CELF2: variants seen among roughly 807,000 people sequenced by gnomAD.
CELF2 encodes the protein CUGBP Elav-like family member 2.
A neutral mutation model predicts 62.6 loss-of-function variants in CELF2; 8 were observed. That is an observed-to-expected ratio of 0.13 (90% CI 0.07 to 0.23). CELF2 has a LOEUF of 0.23. CELF2 is among the 10% of genes least tolerant of loss of function. CELF2 has a pLI of 1.00. For missense variants in CELF2, 333 were observed against 671.0 expected, an observed-to-expected ratio of 0.50 and a Z score of 5.56; for synonymous variants, 258 against 250.0, an observed-to-expected ratio of 1.03 and a Z score of -0.30.
chr10:10,720,070 G>A, the CELF2 span, among the ~76,000 whole-genome samples: 11 of 152,254 alleles, frequency 7.2e-5, no homozygotes, highest in South Asian at 1.0e-3. Flanking sequence ...CTTGGGCTGC[G>A]TTTCATGAGG....
At chr10:10,584,755 C>T in the CELF2 span, among the ~76,000 whole-genome samples, 1 of 152,176 alleles carries the variant, frequency 6.6e-6, no homozygotes. Context: ...GGAAAGAGTT[C>T]CCTGTCTCTG....
At chr10:11,215,072 A>C (rs949121894) in intron 2 of CELF2, among the ~76,000 whole-genome samples, 1 of 152,220 alleles carries the variant, frequency 6.6e-6, no homozygotes, top group African/African-American at 2.4e-5. Context: ...AAGACCCTTT[A>C]AAGTAGCTAA....
chr10:10,764,262 T>C, the CELF2 span, among the ~76,000 whole-genome samples: 3 of 152,224 alleles, frequency 2.0e-5, no homozygotes, highest in Non-Finnish European at 4.4e-5. Flanking sequence ...CCTTTAAAAA[T>C]TTCCAATCAA....
intron 1 of CELF2, among the ~76,000 whole-genome samples, chr10:11,160,757 T>C (rs1439757515): frequency 1.3e-5 from 2 of 152,222 alleles, no homozygotes; most frequent in Non-Finnish European, 2.9e-5. Context: ...TTGTGTGTGC[T>C]TTTTTATTTA....
chr10:10,662,569 G>A, the CELF2 span, among the ~76,000 whole-genome samples: 2 of 152,158 alleles, frequency 1.3e-5, no homozygotes, highest in Non-Finnish European at 2.9e-5. Flanking sequence ...GAGGAAGCAC[G>A]TGACAAAAGG....
chr10:11,018,218 G>A lies in CELF2; in HGVS notation c.74+55G>A, dbSNP rs556380151. ...GAGCGGGCGTCCTCCTCCCAGAGTC[G>A]GCGGCGCGAAGGGGACGGGCGTCGC... On this transcript the variant is annotated intron_variant, in intron 1 of 12. Transcript: ENST00000633077. The A allele has an allele frequency of 1.1e-4, 163 of 1,454,404 alleles. 2 individuals carry two copies. In the South Asian group the frequency reaches 1.9e-3, roughly 17 times the overall value. 90.1% of individuals were successfully genotyped at this position (1,454,404 alleles called of 1,614,324 possible).
At chr10:11,158,339 G>A (rs2064978859) in intron 1 of CELF2, among the ~76,000 whole-genome samples, 1 of 152,148 alleles carries the variant, frequency 6.6e-6, no homozygotes, top group South Asian at 2.1e-4. Context: ...GGATTCATTG[G>A]TGTCGTCCCT....
intron 2 of CELF2, among the ~76,000 whole-genome samples, chr10:10,977,668 AGGAAAAT>A (rs1019095827): frequency 1.3e-5 from 2 of 152,246 alleles, no homozygotes; most frequent in African/African-American, 4.8e-5. Context: ...GTTTCTTTAA[AGGAAAAT>A]GGAAGAATTT....
At chr10:10,922,137 G>C (rs749816407) in intron 2 of CELF2, among the ~76,000 whole-genome samples, 4 of 151,836 alleles carry the variant, frequency 2.6e-5, no homozygotes, top group African/African-American at 4.8e-5. Context: ...ACTGTTTACT[G>C]TGATCCAAAT....
intron 1 of CELF2, among the ~76,000 whole-genome samples, chr10:10,866,230 G>A (rs1228866511): frequency 1.3e-5 from 2 of 152,078 alleles, no homozygotes; most frequent in African/African-American, 4.8e-5. Flanking sequence ...TCACACTGCT[G>A]ACTTCAGCTT....
At chr10:10,856,878 A>C (rs966621313) in intron 1 of CELF2, among the ~76,000 whole-genome samples, 2 of 152,310 alleles carry the variant, frequency 1.3e-5, no homozygotes, top group East Asian at 3.9e-4. Flanking sequence ...TGGAGAAATT[A>C]GTACCAGACT....
intron 1 of CELF2, among the ~76,000 whole-genome samples, chr10:11,107,096 C>T (rs936524550): frequency 6.6e-6 from 1 of 152,222 alleles, no homozygotes. Flanking sequence ...AAGGGAGCTG[C>T]GTGGATACCG....
chr10:10,950,281 C>T (rs893468612), intron 2 of CELF2, among the ~76,000 whole-genome samples: 3 of 151,930 alleles, frequency 2.0e-5, no homozygotes, highest in Non-Finnish European at 4.4e-5. Context: ...GTGTGTGTGT[C>T]TGAGGACGGG....
the CELF2 span, among the ~76,000 whole-genome samples, chr10:10,723,982 AGC>A: frequency 6.6e-6 from 1 of 152,164 alleles, no homozygotes; most frequent in East Asian, 1.9e-4. Flanking sequence ...AATACGTTAA[AGC>A]ACTTTAGAAT....
At chr10:10,673,500 A>G in the CELF2 span, among the ~76,000 whole-genome samples, 1 of 151,724 alleles carries the variant, frequency 6.6e-6, no homozygotes, top group African/African-American at 2.4e-5. Context: ...GGTTTTGTTG[A>G]TTTTCTTTAT....
intron 1 of CELF2, among the ~76,000 whole-genome samples, chr10:11,050,726 A>C (rs2063765124): frequency 6.6e-6 from 1 of 151,958 alleles, no homozygotes; most frequent in African/African-American, 2.4e-5. Flanking sequence ...TCTGTCACCA[A>C]TCCCTTCCAC....
chr10:11,111,699 A>G (rs1426118244), intron 1 of CELF2, among the ~76,000 whole-genome samples: 1 of 152,258 alleles, frequency 6.6e-6, no homozygotes, highest in Non-Finnish European at 1.5e-5. Flanking sequence ...GATTGAAATC[A>G]TGTGGATGCA....
At chr10:10,707,762 G>A in the CELF2 span, among the ~76,000 whole-genome samples, 1 of 152,132 alleles carries the variant, frequency 6.6e-6, no homozygotes, top group Non-Finnish European at 1.5e-5. Context: ...AACAGGCATT[G>A]CGTGCCTGAG....
In CELF2 at chr10:11,217,335, T is replaced by C; in HGVS notation, c.272-90T>C. 1 of 825,368 alleles carries C rather than the reference T, an allele frequency of 1.2e-6. No individual in the cohort carries two copies. Among genetic ancestry groups the C allele is most frequent in the Non-Finnish European group, 2.0e-6 (1 of 505,924 alleles). The allele number at this position is 825,368 out of a possible 1,614,324, so 51.1% of individuals were successfully genotyped here. ...TATTATTTTTAAATTGTGCGTCCTT[T>C]TAAGTAGATTGTTTGTTCGCCACAG... On this transcript the variant is annotated intron_variant, in intron 2 of 12. Transcript: ENST00000633077. This position sits in a 1 kb window ranked among gnomAD's most constrained non-coding sequence, Gnocchi z 5.6.
Sources: gnomAD v4.1 joint callset for allele counts (sites outside exome capture counted in the v4.1 genomes callset) on GRCh38, gnomAD v4.1.1 for gene constraint, Gnocchi (gnomAD v3.1) non-coding constraint, MANE v1.5 for transcripts, NCBI Gene and HGNC (gene_info 2026-07-23, HGNC 2026-07-21) for gene names.